TOM1L2: variants seen among roughly 807,000 people sequenced by gnomAD.
The protein encoded by TOM1L2 is target of myb1 like 2 membrane trafficking protein, also known as TOM1-like protein 2.
TOM1L2 carries 31 observed loss-of-function variants against 67.9 expected under a neutral mutation model. The observed-to-expected ratio is 0.46, with a 90% CI of 0.34 to 0.62. TOM1L2 has a LOEUF of 0.62. Among genes scored for constraint, TOM1L2 ranks in the 20% least tolerant of loss-of-function variants. The pLI is 0.01. For synonymous variants in TOM1L2, 256 were observed against 254.0 expected (o/e 1.01, Z -0.07); for missense variants, 606 against 663.5 (o/e 0.91, Z 0.95).
intron 1 of TOM1L2, among the ~76,000 whole-genome samples, chr17:17,952,557 A>G (rs1269550072): frequency 2.6e-5 from 4 of 151,422 alleles, no homozygotes; most frequent in Non-Finnish European, 5.9e-5. Flanking sequence ...ACGCCTGGCT[A>G]AGTTTTTAAA....
intron 1 of TOM1L2, among the ~76,000 whole-genome samples, chr17:17,955,686 G>T (rs1374804665): frequency 6.6e-6 from 1 of 152,124 alleles, no homozygotes; most frequent in Admixed American, 6.6e-5. Flanking sequence ...TGCCACCCAG[G>T]CTAGAGTGTG....
chr17:17,943,399 G>C (rs1209588640), intron 1 of TOM1L2, among the ~76,000 whole-genome samples: 1 of 152,196 alleles, frequency 6.6e-6, no homozygotes, highest in Admixed American at 6.5e-5. Context: ...CCTGCTGCTG[G>C]GGTGCGACAG....
intron 1 of TOM1L2, among the ~76,000 whole-genome samples, chr17:17,970,200 G>A (rs1293881950): frequency 2.6e-5 from 4 of 151,308 alleles, no homozygotes; most frequent in African/African-American, 7.3e-5. Context: ...GACTACAGGC[G>A]CATGCCACCA....
intron 1 of TOM1L2, among the ~76,000 whole-genome samples, chr17:17,952,033 T>C (rs138797183): frequency 3.9e-4 from 59 of 152,256 alleles, no homozygotes; most frequent in Admixed American, 2.0e-3. Context: ...TACACAAATA[T>C]AGAAATGCAC....
At chr17:17,967,215 TACAA>T (rs1166905796) in intron 1 of TOM1L2, among the ~76,000 whole-genome samples, 3 of 152,234 alleles carry the variant, frequency 2.0e-5, no homozygotes, top group Admixed American at 6.5e-5. Context: ...CCAGTCAGTC[TACAA>T]ACAAACTCTG....
chr17:17,963,992 C>T (rs2041791169), intron 1 of TOM1L2, among the ~76,000 whole-genome samples: 1 of 152,160 alleles, frequency 6.6e-6, no homozygotes, highest in Admixed American at 6.5e-5. Flanking sequence ...ATATGGATAG[C>T]AAGCACTGTG....
intron 1 of TOM1L2, among the ~76,000 whole-genome samples, chr17:17,947,674 C>G (rs894961912): frequency 6.6e-6 from 1 of 152,122 alleles, no homozygotes; most frequent in Admixed American, 6.5e-5. Context: ...CCCTAGCAAA[C>G]GTCTCATTTA....
intron 1 of TOM1L2, among the ~76,000 whole-genome samples, chr17:17,957,984 G>C (rs1239824147): frequency 6.6e-6 from 1 of 151,968 alleles, no homozygotes; most frequent in African/African-American, 2.4e-5. Context: ...TAGCTATTCA[G>C]CAGGCTGAGG....
chr17:17,890,811 A>G (rs1352997421), intron 4 of TOM1L2, among the ~76,000 whole-genome samples: 1 of 152,204 alleles, frequency 6.6e-6, no homozygotes, highest in African/African-American at 2.4e-5. Context: ...ATCAAGTTGT[A>G]TACACTTTTA....
chr17:17,932,061 T>C (rs567670121), intron 1 of TOM1L2, among the ~76,000 whole-genome samples: 10 of 152,350 alleles, frequency 6.6e-5, no homozygotes, highest in Middle Eastern at 3.4e-3. Context: ...AACATGAATA[T>C]TGTGAGTTCT....
chr17:17,864,263 T>A (rs2036720872), intron 10 of TOM1L2, among the ~76,000 whole-genome samples: 1 of 149,042 alleles, frequency 6.7e-6, no homozygotes, highest in South Asian at 2.1e-4. Flanking sequence ...CAGGCTGGAG[T>A]GTAGTAGAGC....
intron 13 of TOM1L2, 125 bp downstream of exon 13, chr17:17,850,768 A>G: frequency 1.9e-6 from 2 of 1,040,970 alleles, no homozygotes; most frequent in Non-Finnish European, 2.9e-6. Context: ...GAGCTTGCCC[A>G]GACCTCCCTT....
chr17:17,934,733 A>G (rs2040455408), intron 1 of TOM1L2, among the ~76,000 whole-genome samples: 1 of 152,224 alleles, frequency 6.6e-6, no homozygotes, highest in Non-Finnish European at 1.5e-5. Flanking sequence ...TTTGGGTAAA[A>G]TTAAAAGGCA....
At chr17:17,848,775 G>T in intron 14 of TOM1L2, 48 bp downstream of exon 14, 1 of 1,606,360 alleles carries the variant, frequency 6.2e-7, no homozygotes, top group Non-Finnish European at 8.5e-7. Flanking sequence ...TGTGCAGCCT[G>T]CACAGAGGCA....
chr17:17,887,973 G>A (rs1466418609), intron 4 of TOM1L2, among the ~76,000 whole-genome samples: 3 of 152,178 alleles, frequency 2.0e-5, no homozygotes. Flanking sequence ...GAGGGGTGCT[G>A]GAAGGCTGAC....
At chr17:17,957,635 AG>A (rs2144980832) in intron 1 of TOM1L2, among the ~76,000 whole-genome samples, 1 of 150,900 alleles carries the variant, frequency 6.6e-6, no homozygotes, top group South Asian at 2.1e-4. Context: ...ATATATATAA[AG>A]TATAACATAT....
chr17:17,879,505 T>C, intron 7 of TOM1L2, 122 bp downstream of exon 7: 2 of 747,518 alleles, frequency 2.7e-6, no homozygotes, highest in Non-Finnish European at 4.8e-6. Flanking sequence ...TCACATGGAC[T>C]ATCAACAACA....
At chr17:17,859,415 C>T (rs2036432391) in intron 12 of TOM1L2, 1 of 152,246 alleles carries the variant, frequency 6.6e-6, no homozygotes, top group African/African-American at 2.4e-5. Context: ...CCCTTGGCCT[C>T]GTTTTCATTT....
At chr17:17,922,478 G>C (rs776013093) in intron 1 of TOM1L2, among the ~76,000 whole-genome samples, 1 of 152,212 alleles carries the variant, frequency 6.6e-6, no homozygotes, top group Non-Finnish European at 1.5e-5. Context: ...GGAGTGGAGA[G>C]ACTGCAGGCA....
Sources: allele counts gnomAD v4.1 joint callset (sites outside exome capture counted in the v4.1 genomes callset), GRCh38; gene constraint gnomAD v4.1.1; transcripts MANE v1.5; gene names NCBI Gene and HGNC (gene_info 2026-07-23, HGNC 2026-07-21).